ATP6V1C2: variants seen among roughly 807,000 people sequenced by gnomAD.
ATP6V1C2 encodes the protein ATPase H+ transporting V1 subunit C2.
A neutral mutation model predicts 56.8 loss-of-function variants in ATP6V1C2; 45 were observed. That is an observed-to-expected ratio of 0.79 (90% CI 0.62 to 1.02). The LOEUF (loss-of-function observed/expected upper bound fraction) is 1.02. Among genes scored for constraint, ATP6V1C2 ranks in the 50% least tolerant of loss-of-function variants. The pLI, the probability that ATP6V1C2 is intolerant of heterozygous loss-of-function variation, is 0.00. For synonymous variants in ATP6V1C2, 220 were observed against 201.3 expected (o/e 1.09, Z -0.79); for missense variants, 463 against 519.7 (o/e 0.89, Z 1.06).
chr2:10,721,566 A>G (rs1661353254), upstream of ATP6V1C2: 1 of 151,792 alleles, frequency 6.6e-6, no homozygotes, highest in African/African-American at 2.4e-5. Context: ...GTATGCAAAT[A>G]TCCTGCGGGG....
Position 10,730,858 on chromosome 2 carries a change from G to A in ATP6V1C2, c.197+4289G>A, listed in dbSNP as rs979169428. On this transcript the variant is annotated intron_variant, in intron 3 of 13. Transcript: ENST00000272238. ...AGTAGAGACGGGATTTCTCCACATT[G>A]GTCAGGCTGGTCTCAAACTCCCGAT... Among the ~76,000 whole-genome samples, 5 of 151,952 alleles carry A rather than the reference G, an allele frequency of 3.3e-5. No homozygotes were observed. In the East Asian group the frequency reaches 9.6e-4, roughly 29 times the overall value.
In ATP6V1C2 at chr2:10,762,819, A is replaced by C. The variant is rs1664000437; in HGVS notation, c.284-1512A>C. Among the ~76,000 whole-genome samples, 4 of 151,956 alleles carry C rather than the reference A, an allele frequency of 2.6e-5. No homozygotes were observed. The South Asian group carries it at 8.3e-4, about 32-fold the overall frequency. The stretch of plus-strand genomic sequence containing the variant: ...TGCGTCATTGCCTTGCACCCTGTCT[A>C]GTCGGTCCTCCCCTGTCCTCCTCTC... On this transcript the variant is annotated intron_variant, in intron 4 of 13. Coordinates refer to ENST00000272238, the MANE Select transcript of ATP6V1C2 (RefSeq NM_001039362.2).
At chr2:10,764,308 G>C in intron 4 of ATP6V1C2, 23 bp from the exon 5 acceptor site, 1 of 1,581,694 alleles carries the variant, frequency 6.3e-7, no homozygotes, top group South Asian at 1.1e-5. Context: ...CTCATGTGTT[G>C]AAATGTGTTT....
At chr2:10,745,632 C>A (rs148586990) in intron 3 of ATP6V1C2, among the ~76,000 whole-genome samples, 1 of 152,146 alleles carries the variant, frequency 6.6e-6, no homozygotes, top group African/African-American at 2.4e-5. Flanking sequence ...TGAGCCACCA[C>A]GCCCGGCCAA....
rs534530997 is a variant in ATP6V1C2 at position 10,769,300 on chromosome 2, G to A, written c.470+490G>A. Among the ~76,000 whole-genome samples, 5 of 152,352 alleles carry A rather than the reference G, an allele frequency of 3.3e-5. No homozygotes were observed. In the East Asian group the frequency reaches 9.6e-4, roughly 29 times the overall value. On this transcript the variant is annotated intron_variant, in intron 6 of 13. Coordinates refer to ENST00000272238, the MANE Select transcript of ATP6V1C2 (RefSeq NM_001039362.2). ...GGAGAGGGAGCAGGCTCCACAGACAGAACAGTCACCAGGATGGTGGAGATG... is the reference window on the plus strand; with the variant it reads ...GGAGAGGGAGCAGGCTCCACAGACAAAACAGTCACCAGGATGGTGGAGATG...
intron 3 of ATP6V1C2, among the ~76,000 whole-genome samples, chr2:10,747,705 A>C (rs1048589733): frequency 2.6e-5 from 4 of 152,162 alleles, no homozygotes; most frequent in African/African-American, 7.2e-5. Context: ...TTGAAACAAA[A>C]AAAAAAAGCA....
intron 4 of ATP6V1C2, among the ~76,000 whole-genome samples, chr2:10,755,189 G>T (rs535658584): frequency 6.6e-6 from 1 of 152,034 alleles, no homozygotes; most frequent in African/African-American, 2.4e-5. Context: ...GGCATATGCC[G>T]CCATGTCCAG....
chr2:10,776,609 T>C (rs531487644), intron 10 of ATP6V1C2, among the ~76,000 whole-genome samples: 6 of 152,332 alleles, frequency 3.9e-5, no homozygotes, highest in African/African-American at 9.6e-5. Context: ...CCAGGCTTTT[T>C]CCCAGCTCGA....
At chr2:10,745,986 A>ACATTCTATGTATCCACTCAG (rs1190951338) in intron 3 of ATP6V1C2, among the ~76,000 whole-genome samples, 1 of 152,134 alleles carries the variant, frequency 6.6e-6, no homozygotes, top group African/African-American at 2.4e-5. Context: ...TGGACACACC[A>ACATTCTATGTATCCACTCAG]CATTCTATGT....
In ATP6V1C2 at chr2:10,763,344, C is replaced by T. The variant is rs993544006; in HGVS notation, c.284-987C>T. Reference sequence around the variant, plus strand: ...CACGATCCTCCCTAGGAGGAGCCGGCGCCAGCTCTTTGTCCTCCCTTAGCA... The same window carrying T: ...CACGATCCTCCCTAGGAGGAGCCGGTGCCAGCTCTTTGTCCTCCCTTAGCA... On this transcript the variant is annotated intron_variant, in intron 4 of 13. Coordinates refer to ENST00000272238, the MANE Select transcript of ATP6V1C2 (RefSeq NM_001039362.2). The surrounding 1 kb of genome is among the most constrained non-coding windows in gnomAD (Gnocchi z 4.2). Among the ~76,000 whole-genome samples the T allele has an allele frequency of 6.6e-6, 1 of 152,118 alleles. No homozygotes were observed. The highest frequency in any genetic ancestry group is 2.4e-5 in the African/African-American group (1 of 41,428).
Position 10,764,399 on chromosome 2 carries a change from G to T in ATP6V1C2, c.352G>T (p.Val118Leu), listed in dbSNP as rs761100899. The change falls in exon 5 of 14, where the codon GTG becomes TTG. Residue 118 changes from valine (V) to leucine (L), a missense_variant. Physicochemically the swap from Val to Leu is conservative, Grantham distance 32 (BLOSUM62 1). Transcript: ENST00000272238. The stretch of plus-strand genomic sequence containing the variant: ...CAAATATCCTGTCAAGCAGCCGCTC[G>T]TGAGTGTGGTGGACACAATAGCCAA... ...MAKYPVKQPL[V>L]SVVDTIAKQL... is the part of the protein sequence containing the mutation. 19 of 1,614,066 alleles carry T rather than the reference G, an allele frequency of 1.2e-5. No homozygotes were observed. The East Asian group carries it at 4.0e-4, about 34-fold the overall frequency.
chr2:10,754,658 C>T (rs576865249), intron 4 of ATP6V1C2, among the ~76,000 whole-genome samples: 8 of 152,098 alleles, frequency 5.3e-5, no homozygotes, highest in South Asian at 2.1e-4. Flanking sequence ...CTGCAAGCTC[C>T]GCCTTCTGGG....
chr2:10,745,960 C>G (rs1284805267), intron 3 of ATP6V1C2, among the ~76,000 whole-genome samples: 1 of 152,194 alleles, frequency 6.6e-6, no homozygotes. Flanking sequence ...TTAAGGCTGA[C>G]TAGTGCCGCA....
rs1558430452 is a variant in ATP6V1C2, at chr2:10,780,934, G to A, written c.1062-1309G>A. ...TAATTTTTGTAATTTTAGTAGCGAC[G>A]GGGTTTCACCACGTTGGCCAGGCTG... On this transcript the variant is annotated intron_variant, in intron 12 of 13. Coordinates refer to ENST00000272238, the MANE Select transcript of ATP6V1C2 (RefSeq NM_001039362.2). This position sits in a 1 kb window ranked among gnomAD's most constrained non-coding sequence, Gnocchi z 4.1. Among the ~76,000 whole-genome samples, 2 of 152,024 alleles carry A rather than the reference G, an allele frequency of 1.3e-5. No homozygotes were observed. Among genetic ancestry groups the A allele is most frequent in the Non-Finnish European group, 2.9e-5 (2 of 67,996 alleles).
chr2:10,740,467 C>T lies in ATP6V1C2; in HGVS notation c.198-13514C>T, dbSNP rs1224782558. Among the ~76,000 whole-genome samples the T allele has an allele frequency of 2.6e-5, 4 of 152,268 alleles. No individual in the cohort carries two copies. The East Asian group carries it at 7.7e-4, about 29-fold the overall frequency. On this transcript the variant is annotated intron_variant, in intron 3 of 13. Transcript: ENST00000272238. ...ATGTGCTGGAACTCTGCTCCGAGAG[C>T]ATGAAGGACCTGCAATTGTTCTCAG...
chr2:10,781,477 CA>C lies in ATP6V1C2; in HGVS notation c.1062-755del, dbSNP rs112137462. 5.9e-3 allele frequency among the ~76,000 whole-genome samples: 851 copies of C among 144,126 alleles called. 29 individuals carry two copies. The highest frequency in any genetic ancestry group is 0.044 in the Admixed American group (641 of 14,502). 94.6% of individuals were successfully genotyped at this position (144,126 alleles called of 152,430 possible). A position where few individuals can be genotyped will look rare whatever the true frequency, so the allele number is the denominator to read the frequency against. ...TGCGTGACAGAGCGAGATTCTGTCTCAAAAAAAAAAATAGATAAATAAAACC... is the reference window on the plus strand; with the variant it reads ...TGCGTGACAGAGCGAGATTCTGTCTCAAAAAAAAAATAGATAAATAAAACC... On this transcript the variant is annotated intron_variant, in intron 12 of 13. Transcript: ENST00000272238.
chr2:10,754,577 CTTTTCTTTTTTTT>C (rs1558405089), intron 4 of ATP6V1C2, among the ~76,000 whole-genome samples: 2 of 40,506 alleles, frequency 4.9e-5, no homozygotes, highest in African/African-American at 1.8e-4. Flanking sequence ...CTTTTCTTTT[CTTTTCTTTTTTTT>C]TGAGATGGAG....
chr2:10,753,577 G>A (rs899349657), intron 3 of ATP6V1C2, among the ~76,000 whole-genome samples: 8 of 145,460 alleles, frequency 5.5e-5, no homozygotes, highest in African/African-American at 1.8e-4. Context: ...TGTCACCCAC[G>A]CTGGAGTGCA....
rs770919875 is a variant in ATP6V1C2, at chr2:10,784,930, T to G, written c.*1667T>G. ...CCCGCACAGCTTCCCTCCCGGGCACTCACCTCGCCATCCCTGCCGTCCCAA... is the reference window on the plus strand; with the variant it reads ...CCCGCACAGCTTCCCTCCCGGGCACGCACCTCGCCATCCCTGCCGTCCCAA... On this transcript the variant is annotated 3_prime_UTR_variant, in exon 14 of 14. Transcript: ENST00000272238. The G allele has an allele frequency of 1.9e-6, 3 of 1,572,540 alleles. No individual in the cohort carries two copies. In the African/African-American group the frequency reaches 4.1e-5, roughly 21 times the overall value.
Sources: allele counts gnomAD v4.1 joint callset (sites outside exome capture counted in the v4.1 genomes callset), GRCh38; gene constraint gnomAD v4.1.1; non-coding constraint Gnocchi (gnomAD v3.1); transcripts MANE v1.5; gene names NCBI Gene and HGNC (gene_info 2026-07-23, HGNC 2026-07-21).